Variants in ARL15 observed in about 807,000 individuals in gnomAD.
ARL15 encodes the protein ARF like GTPase 15.
Under a neutral mutation model 25.2 loss-of-function variants are expected in ARL15, and 19 were observed. The ratio of observed to expected loss-of-function variants is 0.75; its 90% CI spans 0.53 to 1.10. The LOEUF is 1.10. Ranked by LOEUF, ARL15 falls within the 50% of genes least tolerant of loss-of-function variation. ARL15 has a pLI of 0.00. For missense variants in ARL15, 220 were observed against 246.0 expected, an observed-to-expected ratio of 0.89 and a Z score of 0.71; for synonymous variants, 94 against 86.8, an observed-to-expected ratio of 1.08 and a Z score of -0.46.
chr5:54,293,416 T>C (rs1202279276), intron 1 of ARL15, among the ~76,000 whole-genome samples: 1 of 152,174 alleles, frequency 6.6e-6, no homozygotes. Context: ...TAGTAAAATA[T>C]CACTTGTTTA....
chr5:54,222,491 G>T (rs560595206), intron 1 of ARL15, among the ~76,000 whole-genome samples: 7 of 152,194 alleles, frequency 4.6e-5, no homozygotes, highest in Non-Finnish European at 8.8e-5. Context: ...AGTGTTCTAG[G>T]AGCTTCTCGT....
At chr5:53,893,449 T>C (rs1295929456) in intron 4 of ARL15, among the ~76,000 whole-genome samples, 2 of 151,872 alleles carry the variant, frequency 1.3e-5, no homozygotes, top group African/African-American at 4.8e-5. Flanking sequence ...TACTAAAAGA[T>C]ACAAAAAAAT....
chr5:54,029,123 T>C (rs1464644000), intron 4 of ARL15, among the ~76,000 whole-genome samples: 1 of 152,120 alleles, frequency 6.6e-6, no homozygotes, highest in Non-Finnish European at 1.5e-5. Context: ...CTCTCTGGGT[T>C]CGAATCTCAG....
chr5:54,036,708 T>A (rs1407556652), intron 4 of ARL15, among the ~76,000 whole-genome samples: 1 of 152,334 alleles, frequency 6.6e-6, no homozygotes, highest in Non-Finnish European at 1.5e-5. Flanking sequence ...AATAAAAACC[T>A]AATTATTTCA....
intron 3 of ARL15, among the ~76,000 whole-genome samples, 167 bp from the exon 4 acceptor site, chr5:54,113,577 A>T (rs369894415): frequency 6.6e-6 from 1 of 152,212 alleles, no homozygotes; most frequent in Non-Finnish European, 1.5e-5. Context: ...ATCACAGTGG[A>T]TGGGAACAAA....
At chr5:54,123,626 A>G (rs1277729460) in intron 3 of ARL15, among the ~76,000 whole-genome samples, 1 of 152,172 alleles carries the variant, frequency 6.6e-6, no homozygotes, top group East Asian at 1.9e-4. Context: ...CATTAAAATC[A>G]TGTCTTAAAG....
intron 2 of ARL15, among the ~76,000 whole-genome samples, chr5:54,158,837 C>T (rs180869599): frequency 1.2e-4 from 19 of 152,294 alleles, no homozygotes; most frequent in Admixed American, 2.6e-4. Flanking sequence ...CAGGCCACTG[C>T]ACTTTAGCTT....
intron 3 of ARL15, among the ~76,000 whole-genome samples, chr5:54,121,023 C>T (rs997504775): frequency 2.0e-4 from 31 of 152,028 alleles, no homozygotes; most frequent in African/African-American, 6.0e-4. Flanking sequence ...GACAAACTCA[C>T]GGAAAAAGTT....
chr5:54,112,462 T>C (rs1752769739), intron 4 of ARL15, among the ~76,000 whole-genome samples: 2 of 152,208 alleles, frequency 1.3e-5, no homozygotes, highest in African/African-American at 4.8e-5. Flanking sequence ...GGGGAAATCA[T>C]ATCCTGAAAG....
At chr5:53,896,646 G>C (rs972042308) in intron 4 of ARL15, among the ~76,000 whole-genome samples, 1 of 152,002 alleles carries the variant, frequency 6.6e-6, no homozygotes, top group Non-Finnish European at 1.5e-5. Flanking sequence ...ACAGGCGCCC[G>C]CCACCACGCC....
intron 1 of ARL15, among the ~76,000 whole-genome samples, chr5:54,226,870 G>C (rs1002560632): frequency 6.6e-6 from 1 of 152,112 alleles, no homozygotes; most frequent in Admixed American, 6.5e-5. Flanking sequence ...GGCCCAGTGG[G>C]AGATAACTGA....
Position 54,276,419 on chromosome 5 carries a change from G to A in ARL15, c.48+34013C>T, listed in dbSNP as rs539552726. Among the ~76,000 whole-genome samples the A allele has an allele frequency of 3.9e-5, 6 of 152,236 alleles. No individual in the cohort carries two copies. The South Asian group carries it at 6.2e-4, about 16-fold the overall frequency. Reference sequence around the variant, plus strand: ...AGAGTGCAAGACTTCCGATCTATCTGACAAATTTTTAACCTTGGTTTTATA... The same window carrying A: ...AGAGTGCAAGACTTCCGATCTATCTAACAAATTTTTAACCTTGGTTTTATA... On this transcript the variant is annotated intron_variant, in intron 1 of 4. Coordinates refer to ENST00000504924, the MANE Select transcript of ARL15 (RefSeq NM_019087.3).
chr5:53,995,303 C>CAAAA (rs34234639), intron 4 of ARL15, among the ~76,000 whole-genome samples: 47 of 44,592 alleles, frequency 1.1e-3, no homozygotes, highest in Admixed American at 2.2e-3. Context: ...GACTCCGTCA[C>CAAAA]AAAAAAAAAA....
At chr5:54,012,824 CTT>C (rs11296991) in intron 4 of ARL15, among the ~76,000 whole-genome samples, 40 of 135,390 alleles carry the variant, frequency 3.0e-4, no homozygotes, top group Non-Finnish European at 3.2e-4. Context: ...ACGCTGGACT[CTT>C]TTTTTTTTTT....
intron 4 of ARL15, among the ~76,000 whole-genome samples, chr5:54,069,568 A>ATG: frequency 6.7e-6 from 1 of 150,148 alleles, no homozygotes; most frequent in Non-Finnish European, 1.5e-5. Flanking sequence ...CAAAAAAAAA[A>ATG]AAAAAAAAAA....
At chr5:54,101,897 C>T (rs1317431502) in intron 4 of ARL15, among the ~76,000 whole-genome samples, 1 of 152,074 alleles carries the variant, frequency 6.6e-6, no homozygotes, top group African/African-American at 2.4e-5. Context: ...TATGCAGAAA[C>T]ATGTATTTCC....
At chr5:54,235,605 G>A (rs2112564136) in intron 1 of ARL15, among the ~76,000 whole-genome samples, 2 of 151,752 alleles carry the variant, frequency 1.3e-5, no homozygotes, top group South Asian at 4.2e-4. Flanking sequence ...CCAAGTAGCT[G>A]GGAATATAGG....
rs114638208 is a variant in ARL15 at position 54,295,734 on chromosome 5, G to A, written c.48+14698C>T. On this transcript the variant is annotated intron_variant, in intron 1 of 4. Transcript: ENST00000504924. ...GCCCAGTGACTTGAAAAGAGAACCAGCCTCATTCAGGAAACATTCGAAATG... is the reference window on the plus strand; with the variant it reads ...GCCCAGTGACTTGAAAAGAGAACCAACCTCATTCAGGAAACATTCGAAATG... Among the ~76,000 whole-genome samples, 132 of 152,252 alleles carry A rather than the reference G, an allele frequency of 8.7e-4. 1 individual carries two copies. The highest frequency in any genetic ancestry group is 1.4e-3 in the Non-Finnish European group (97 of 68,034).
At chr5:54,254,718 C>T (rs1236473428) in intron 1 of ARL15, among the ~76,000 whole-genome samples, 4 of 152,166 alleles carry the variant, frequency 2.6e-5, no homozygotes, top group East Asian at 1.9e-4. Flanking sequence ...TGTCCTTACA[C>T]GAGTTACGTG....
Sources: allele counts gnomAD v4.1 joint callset (sites outside exome capture counted in the v4.1 genomes callset), GRCh38; gene constraint gnomAD v4.1.1; transcripts MANE v1.5; gene names NCBI Gene and HGNC (gene_info 2026-07-23, HGNC 2026-07-21).